ZDHHC2: variants seen among roughly 807,000 people sequenced by gnomAD.
ZDHHC2 encodes the protein palmitoyltransferase ZDHHC2.
Under a neutral mutation model 55.6 loss-of-function variants are expected in ZDHHC2, and 51 were observed. That is an observed-to-expected ratio of 0.92 (90% CI 0.73 to 1.16). The LOEUF (loss-of-function observed/expected upper bound fraction) is 1.16. Ranked by LOEUF, ZDHHC2 falls within the 50% of genes most tolerant of loss-of-function variation. ZDHHC2 has a pLI of 0.00. For missense variants in ZDHHC2, 491 were observed against 442.4 expected, an observed-to-expected ratio of 1.11 and a Z score of -0.99; for synonymous variants, 199 against 152.9, an observed-to-expected ratio of 1.30 and a Z score of -2.22.
At chr8:17,201,467 TTCTCTC>T (rs201294546) in intron 6 of ZDHHC2, among the ~76,000 whole-genome samples, 11 of 100,748 alleles carry the variant, frequency 1.1e-4, no homozygotes, top group South Asian at 1.0e-3. Context: ...GGGCAGCCTT[TTCTCTC>T]TCTCTCTCTT....
chr8:17,158,461 T>G (rs939115660), intron 1 of ZDHHC2, among the ~76,000 whole-genome samples: 1 of 152,204 alleles, frequency 6.6e-6, no homozygotes, highest in South Asian at 2.1e-4. Flanking sequence ...CTCCTGTCCA[T>G]TAAGAGGAAG....
chr8:17,166,099 G>A (rs1248846601), intron 1 of ZDHHC2, among the ~76,000 whole-genome samples: 1 of 152,194 alleles, frequency 6.6e-6, no homozygotes, highest in Non-Finnish European at 1.5e-5. Context: ...GGTGACATGA[G>A]AATCCACTGC....
intron 3 of ZDHHC2, among the ~76,000 whole-genome samples, chr8:17,188,958 A>G (rs1158555244): frequency 6.6e-6 from 1 of 152,056 alleles, no homozygotes; most frequent in African/African-American, 2.4e-5. Flanking sequence ...AGTCAATCAG[A>G]AAATTCTATA....
chr8:17,207,944 C>T lies in ZDHHC2; in HGVS notation c.598-16C>T, dbSNP rs369115995. Reference sequence around the variant, plus strand: ...TCCCTTTGACAAAACATGTTATTTTCTTCCTTTCTTTATAGAATGGCCTAC... The same window carrying T: ...TCCCTTTGACAAAACATGTTATTTTTTTCCTTTCTTTATAGAATGGCCTAC... On this transcript the variant is annotated splice_polypyrimidine_tract_variant and intron_variant, in intron 7 of 12. Coordinates refer to ENST00000262096, the MANE Select transcript of ZDHHC2 (RefSeq NM_016353.5). The T allele has an allele frequency of 5.5e-5, 81 of 1,465,932 alleles. No individual in the cohort carries two copies. In the African/African-American group the frequency reaches 1.0e-3, roughly 19 times the overall value. 90.8% of individuals were successfully genotyped at this position (1,465,932 alleles called of 1,614,324 possible).
At position 17,159,695 on chromosome 8, in the gene ZDHHC2, A is replaced by G. The variant is rs1448878752; in HGVS notation, c.130+2842A>G. On this transcript the variant is annotated intron_variant, in intron 1 of 12. Transcript: ENST00000262096. ...TATATGTAAAATATATGGGATGTACATATATTGTGTGAGAGTCAAGTATTT... is the reference window on the plus strand; with the variant it reads ...TATATGTAAAATATATGGGATGTACGTATATTGTGTGAGAGTCAAGTATTT... Among the ~76,000 whole-genome samples the G allele has an allele frequency of 3.3e-5, 5 of 152,194 alleles. No homozygotes were observed. The East Asian group carries it at 9.6e-4, about 29-fold the overall frequency.
chr8:17,170,326 A>G (rs554112852), intron 1 of ZDHHC2, among the ~76,000 whole-genome samples: 25 of 152,338 alleles, frequency 1.6e-4, no homozygotes, highest in African/African-American at 5.8e-4. Context: ...TGCAGCAATT[A>G]CTGCTGGTGC....
intron 11 of ZDHHC2, 111 bp from the exon 12 acceptor site, chr8:17,217,061 A>G: frequency 5.1e-6 from 5 of 985,008 alleles, no homozygotes; most frequent in Non-Finnish European, 6.2e-6. Flanking sequence ...TATTATGTAC[A>G]AGGCACCTTT....
chr8:17,217,980 A>G (rs1807724651), intron 12 of ZDHHC2, among the ~76,000 whole-genome samples: 1 of 152,208 alleles, frequency 6.6e-6, no homozygotes, highest in Non-Finnish European at 1.5e-5. Context: ...CTAGAATCCT[A>G]AAGTCTATGA....
intron 1 of ZDHHC2, among the ~76,000 whole-genome samples, chr8:17,172,696 G>C (rs1005068769): frequency 6.6e-6 from 1 of 152,170 alleles, no homozygotes; most frequent in East Asian, 1.9e-4. Flanking sequence ...TCCATATTCT[G>C]TCTCTCTTAA....
At chr8:17,193,545 C>A (rs954583387) in intron 3 of ZDHHC2, among the ~76,000 whole-genome samples, 5 of 152,222 alleles carry the variant, frequency 3.3e-5, no homozygotes, top group Admixed American at 1.3e-4. Flanking sequence ...CTGCCTCCCC[C>A]ATCTGCGTTT....
chr8:17,156,669 CCGGAGCCAGGCCCGCGGGCGGCGG>C lies in ZDHHC2; in HGVS notation c.-48_-25del. 8.3e-7 allele frequency: 1 copy of C among 1,211,476 alleles called. No individual in the cohort carries two copies. Among genetic ancestry groups the C allele is most frequent in the Non-Finnish European group, 1.0e-6 (1 of 976,130 alleles). 75.0% of individuals were successfully genotyped at this position (1,211,476 alleles called of 1,614,324 possible). On this transcript the variant is annotated 5_prime_UTR_variant, in exon 1 of 13. Transcript: ENST00000262096. ...GGGTGCCGGGCCCGCCCAGCCCGCCCCGGAGCCAGGCCCGCGGGCGGCGGCGGAGCTGGGCAGGTGGATGCGGCT... is the reference window on the plus strand; with the variant it reads ...GGGTGCCGGGCCCGCCCAGCCCGCCCCGGAGCTGGGCAGGTGGATGCGGCT...
chr8:17,205,837 A>G lies in ZDHHC2; in HGVS notation c.597+62A>G, dbSNP rs1220073662. ...CAATAATAGATAATATAGGCTTTTC[A>G]GAACAGAATTATTTCCGACACTGAC... is the stretch of plus-strand genomic sequence containing the variant. On this transcript the variant is annotated intron_variant, in intron 7 of 12. Transcript: ENST00000262096. 6 of 1,463,838 alleles carry G rather than the reference A, an allele frequency of 4.1e-6. No homozygotes were observed. In the African/African-American group the frequency reaches 8.6e-5, roughly 21 times the overall value. 90.7% of individuals were successfully genotyped at this position (1,463,838 alleles called of 1,614,324 possible). A position where few individuals can be genotyped will look rare whatever the true frequency, so the allele number is the denominator to read the frequency against.
intron 1 of ZDHHC2, among the ~76,000 whole-genome samples, chr8:17,176,897 GAAAAT>G (rs1345945506): frequency 6.6e-6 from 1 of 151,932 alleles, no homozygotes; most frequent in East Asian, 1.9e-4. Context: ...AGGTTATAAA[GAAAAT>G]AAATTCAAAA....
rs10601402 is a variant in ZDHHC2, at chr8:17,190,951, C to CTTTTTTTTTTT, written c.253-4535_253-4525dup. 8.7e-4 allele frequency among the ~76,000 whole-genome samples: 46 copies of CTTTTTTTTTTT among 52,778 alleles called. 7 individuals are homozygous for CTTTTTTTTTTT. The highest frequency in any genetic ancestry group is 1.2e-3 in the Non-Finnish European group (35 of 29,434). The allele number at this position is 52,778 out of a possible 152,430, so 34.6% of individuals were successfully genotyped here. A position where few individuals can be genotyped will look rare whatever the true frequency, so the allele number is the denominator to read the frequency against. ...TGTCAAATACTAGGTCTTATTCATT[C>CTTTTTTTTTTT]TTTTTTTTTTTTTTTTTTTTTTTTT... is the stretch of plus-strand genomic sequence containing the variant. On this transcript the variant is annotated intron_variant, in intron 3 of 12. Transcript: ENST00000262096.
At chr8:17,156,956 C>T in intron 1 of ZDHHC2, 103 bp downstream of exon 1, 2 of 1,158,356 alleles carry the variant, frequency 1.7e-6, no homozygotes, top group Non-Finnish European at 1.1e-6. Flanking sequence ...GGATGCGCCC[C>T]GGGCGCTGCC....
At chr8:17,160,030 G>A (rs1563428957) in intron 1 of ZDHHC2, among the ~76,000 whole-genome samples, 1 of 152,184 alleles carries the variant, frequency 6.6e-6, no homozygotes. Context: ...TGCACTATGA[G>A]AGGGAATGAG....
At chr8:17,187,867 A>G (rs976463700) in intron 3 of ZDHHC2, among the ~76,000 whole-genome samples, 3 of 152,116 alleles carry the variant, frequency 2.0e-5, no homozygotes, top group Admixed American at 6.6e-5. Context: ...TAATTCCACC[A>G]ACATCTCAAA....
At chr8:17,169,284 A>G (rs1030938010) in intron 1 of ZDHHC2, among the ~76,000 whole-genome samples, 3 of 150,352 alleles carry the variant, frequency 2.0e-5, no homozygotes, top group African/African-American at 7.4e-5. Flanking sequence ...TCAGCAGAAA[A>G]GCTGATGGGC....
At chr8:17,210,538 C>A in intron 10 of ZDHHC2, 58 bp downstream of exon 10, 1 of 1,405,946 alleles carries the variant, frequency 7.1e-7, no homozygotes, top group East Asian at 2.5e-5. Flanking sequence ...CATATTGTGT[C>A]TTTTGGTTAT....
Sources: gnomAD v4.1 joint callset for allele counts (sites outside exome capture counted in the v4.1 genomes callset) on GRCh38, gnomAD v4.1.1 for gene constraint, MANE v1.5 for transcripts, NCBI Gene and HGNC (gene_info 2026-07-23, HGNC 2026-07-21) for gene names.